The following TRIM24 variants were observed in gnomAD, a reference collection of about 807,000 sequenced individuals.
TRIM24 encodes the protein transcription intermediary factor 1-alpha.
In TRIM24, 29 loss-of-function variants were observed where a neutral mutation model predicts 123.9. That is an observed-to-expected ratio of 0.23 (90% CI 0.17 to 0.32). TRIM24 has a LOEUF of 0.32. Among genes scored for constraint, TRIM24 ranks in the 10% least tolerant of loss-of-function variants. The pLI is 1.00. For missense variants in TRIM24, 932 were observed against 1,295.3 expected (o/e 0.72, Z 4.31); for synonymous variants, 456 against 461.1 (o/e 0.99, Z 0.14).
At chr7:138,582,411 A>G (rs574588793) in intron 17 of TRIM24, among the ~76,000 whole-genome samples, 41 of 152,160 alleles carry the variant, frequency 2.7e-4, no homozygotes, top group Admixed American at 4.6e-4. Context: ...GTGTGGTGGC[A>G]GGCGCCTGTA....
intron 10 of TRIM24, among the ~76,000 whole-genome samples, chr7:138,569,530 T>C (rs17364455): frequency 0.088 from 13,365 of 152,210 alleles, 800 homozygotes; most frequent in Non-Finnish European, 0.13. Context: ...TGTATGTGTG[T>C]TTTCCTCCAG....
chr7:138,493,606 C>T (rs894711892), intron 1 of TRIM24, among the ~76,000 whole-genome samples: 3 of 152,084 alleles, frequency 2.0e-5, no homozygotes, highest in Non-Finnish European at 4.4e-5. Context: ...CCAGAGAAGC[C>T]GCTGTAAGCC....
intron 1 of TRIM24, among the ~76,000 whole-genome samples, chr7:138,480,668 T>A (rs1784607363): frequency 1.3e-5 from 2 of 152,168 alleles, no homozygotes; most frequent in African/African-American, 4.8e-5. Context: ...AAGGCAGAAT[T>A]CCTGATCATA....
intron 4 of TRIM24, among the ~76,000 whole-genome samples, chr7:138,521,375 G>A (rs1158676936): frequency 1.3e-5 from 2 of 152,160 alleles, no homozygotes; most frequent in East Asian, 1.9e-4. Context: ...GCATAGTCTA[G>A]GAAGAGGGTG....
rs548889974 is a variant in TRIM24 at position 138,516,038 on chromosome 7, G to A, written c.631+679G>A. Among the ~76,000 whole-genome samples the A allele has an allele frequency of 3.9e-5, 6 of 152,230 alleles. 1 individual carries two copies. In the South Asian group the frequency reaches 8.3e-4, roughly 21 times the overall value. ...TTTCTGGCCGGGCGCGGTGGCTCAC[G>A]CCTGTTATCCCAGCACTTTGGGAGG... On this transcript the variant is annotated intron_variant, in intron 3 of 18. Transcript: ENST00000343526.
intron 7 of TRIM24, 66 bp downstream of exon 7, chr7:138,538,869 T>G: frequency 4.3e-6 from 6 of 1,384,790 alleles, no homozygotes; most frequent in Non-Finnish European, 5.9e-6. Flanking sequence ...GCCATTGTAA[T>G]GCTTAAAATT....
chr7:138,545,362 G>A (rs1368204234), intron 7 of TRIM24: 1 of 454,386 alleles, frequency 2.2e-6, no homozygotes, highest in Non-Finnish European at 4.4e-6. Context: ...TACGGAAGTG[G>A]TAAGAAGAAT....
Position 138,554,399 on chromosome 7 carries a change from A to C in TRIM24, c.1262-299A>C, listed in dbSNP as rs553145211. 4.6e-5 allele frequency among the ~76,000 whole-genome samples: 7 copies of C among 152,372 alleles called. No individual in the cohort carries two copies. Among genetic ancestry groups the C allele is most frequent in the Admixed American group, 2.6e-4 (4 of 15,308 alleles). Reference sequence around the variant, plus strand: ...CATCAAACAGTATTTTAAAATATCAAAAAATGTTTACCAAATATTTTACAA... The same window carrying C: ...CATCAAACAGTATTTTAAAATATCACAAAATGTTTACCAAATATTTTACAA... On this transcript the variant is annotated intron_variant, in intron 8 of 18. Transcript: ENST00000343526. The surrounding 1 kb of genome is among the most constrained non-coding windows in gnomAD (Gnocchi z 4.5).
chr7:138,532,410 A>G (rs1370470685), intron 6 of TRIM24, among the ~76,000 whole-genome samples: 6 of 152,268 alleles, frequency 3.9e-5, no homozygotes, highest in African/African-American at 1.4e-4. Context: ...TAAGGAAGGG[A>G]TCCAGTTTCA....
chr7:138,534,580 AGTTT>A (rs1796823243), intron 6 of TRIM24, among the ~76,000 whole-genome samples: 1 of 152,190 alleles, frequency 6.6e-6, no homozygotes, highest in African/African-American at 2.4e-5. Flanking sequence ...TCTGACAGAC[AGTTT>A]GTTATAATTT....
chr7:138,579,268 A>G lies in TRIM24; in HGVS notation c.2321A>G (p.Glu774Gly). The change falls in exon 15 of 19, where the codon GAG becomes GGG. Residue 774 changes from glutamate to glycine, a missense_variant. Transcript: ENST00000343526. ...LLNSSQSSTS[E>G]ETVLRSDAPD... is the part of the protein sequence containing the mutation. ...AATAGCAGTCAGAGCTCTACTTCTG[A>G]GGAGACTGTGCTAAGATCAGATGCC... The G allele has an allele frequency of 6.2e-7, 1 of 1,614,048 alleles. No individual in the cohort carries two copies.
intron 9 of TRIM24, among the ~76,000 whole-genome samples, chr7:138,558,002 C>G (rs1438428027): frequency 6.6e-6 from 1 of 152,152 alleles, no homozygotes; most frequent in African/African-American, 2.4e-5. Flanking sequence ...TTTTATTTCT[C>G]CTTTTTGTTT....
chr7:138,499,049 G>A (rs570437422), intron 1 of TRIM24, among the ~76,000 whole-genome samples: 4 of 152,092 alleles, frequency 2.6e-5, no homozygotes, highest in Non-Finnish European at 5.9e-5. Flanking sequence ...AGAGGGGAGA[G>A]TTGAAATCAA....
chr7:138,494,886 T>C (rs1795868758), intron 1 of TRIM24, among the ~76,000 whole-genome samples: 2 of 152,160 alleles, frequency 1.3e-5, no homozygotes, highest in South Asian at 4.1e-4. Context: ...GAGTTATTCA[T>C]TGAGTCATCA....
At chr7:138,529,279 T>C in intron 6 of TRIM24, 49 bp downstream of exon 6, 1 of 969,120 alleles carries the variant, frequency 1.0e-6, no homozygotes, top group Non-Finnish European at 1.5e-6. Flanking sequence ...TAGTATTTCC[T>C]AAAGTACTGT....
At chr7:138,519,885 A>AT (rs1796471822) in intron 4 of TRIM24, among the ~76,000 whole-genome samples, 1 of 152,138 alleles carries the variant, frequency 6.6e-6, no homozygotes, top group East Asian at 1.9e-4. Flanking sequence ...CTCAACAGTC[A>AT]TTCAAAGGTC....
chr7:138,479,664 C>T (rs1301262120), intron 1 of TRIM24, among the ~76,000 whole-genome samples: 2 of 145,576 alleles, frequency 1.4e-5, no homozygotes, highest in East Asian at 1.9e-4. Flanking sequence ...AGGCATGTGA[C>T]GCCTGGCTAA....
chr7:138,560,049 A>T (rs1797394343), intron 9 of TRIM24, among the ~76,000 whole-genome samples: 1 of 152,214 alleles, frequency 6.6e-6, no homozygotes, highest in Admixed American at 6.5e-5. Context: ...TGGCCAACCG[A>T]ACAAGATCTC....
At chr7:138,522,170 G>T (rs1584716535) in intron 4 of TRIM24, among the ~76,000 whole-genome samples, 2 of 151,854 alleles carry the variant, frequency 1.3e-5, no homozygotes, top group East Asian at 1.9e-4. Flanking sequence ...TAAAAAATCA[G>T]TAAAGATAGA....
Sources: gnomAD v4.1 joint callset for allele counts (sites outside exome capture counted in the v4.1 genomes callset) on GRCh38, gnomAD v4.1.1 for gene constraint, Gnocchi (gnomAD v3.1) non-coding constraint, MANE v1.5 for transcripts, NCBI Gene and HGNC (gene_info 2026-07-23, HGNC 2026-07-21) for gene names.